RPAIN: variants seen among roughly 807,000 people sequenced by gnomAD.
RPAIN encodes RPA-interacting protein.
Under a neutral mutation model 30.5 loss-of-function variants are expected in RPAIN, and 29 were observed. That is an observed-to-expected ratio of 0.95 (90% CI 0.71 to 1.30). The LOEUF (loss-of-function observed/expected upper bound fraction) is 1.30. Ranked by LOEUF, RPAIN falls within the 50% of genes most tolerant of loss-of-function variation. The pLI is 0.00. For synonymous variants in RPAIN, 101 were observed against 93.5 expected (o/e 1.08, Z -0.46); for missense variants, 247 against 264.7 (o/e 0.93, Z 0.46).
intron 3 of RPAIN, chr17:5,425,148 TGACCCC>T: frequency 2.9e-6 from 1 of 343,518 alleles, no homozygotes; most frequent in African/African-American, 2.2e-5. Context: ...TGTAGTTTTT[TGACCCC>T]TTCCCTAATG....
intron 3 of RPAIN, among the ~76,000 whole-genome samples, chr17:5,423,532 TA>T (rs906841651): frequency 1.3e-5 from 2 of 151,736 alleles, no homozygotes; most frequent in Middle Eastern, 3.4e-3. Flanking sequence ...AAAAATAAAA[TA>T]AAAAAAAGTA....
At chr17:5,422,929 C>T in intron 3 of RPAIN, 100 bp downstream of exon 3, 1 of 921,420 alleles carries the variant, frequency 1.1e-6, no homozygotes, top group Non-Finnish European at 1.7e-6. Flanking sequence ...CTTTGTCTAC[C>T]TCCATCAGTC....
rs200459018 is a variant in RPAIN, at chr17:5,432,505, T to C, written c.631-37T>C. The stretch of plus-strand genomic sequence containing the variant: ...TATCAGATATCTTTCATGACTAGAA[T>C]ACAATTTAAGCTAATTATTTTCCTG... On this transcript the variant is annotated intron_variant, in intron 6 of 6. Transcript: ENST00000381209. 4 of 1,593,180 alleles carry C rather than the reference T, an allele frequency of 2.5e-6. No homozygotes were observed. In the East Asian group the frequency reaches 6.7e-5, roughly 27 times the overall value.
chr17:5,421,229 T>C, intron 1 of RPAIN, 67 bp from the exon 2 acceptor site: 1 of 1,474,014 alleles, frequency 6.8e-7, no homozygotes. Context: ...TCTCAACTAA[T>C]GTAAGAGTGT....
chr17:5,428,438 G>C, intron 6 of RPAIN: 11 of 1,443,026 alleles, frequency 7.6e-6, no homozygotes, highest in Non-Finnish European at 9.0e-6. Context: ...ATTGGTCTGG[G>C]AGTTAGGACG....
In RPAIN at chr17:5,426,255, A is replaced by G. The variant is rs77813450; in HGVS notation, c.445A>G (p.Ser149Gly). The change falls in exon 5 of 7, where the codon AGC (serine) becomes GGC (glycine). Residue 149 changes from serine (S) to glycine (G), a missense_variant. Transcript: ENST00000381209. ...TTCTAGGTACAACCTGAGAATCACA[A>G]GCGGTGTGGTGGTGTGTCAGTGTGG... is the stretch of plus-strand genomic sequence containing the variant. ...VCTKYNLRIT[S>G]GVVVCQCGLS... The G allele has an allele frequency of 3.1e-3, 4,964 of 1,614,110 alleles. 134 individuals are homozygous for G. In the African/African-American group the frequency reaches 0.057, roughly 18 times the overall value.
At chr17:5,427,909 TAA>T in intron 5 of RPAIN, 160 bp from the exon 6 acceptor site, 2 of 703,674 alleles carry the variant, frequency 2.8e-6, no homozygotes, top group Non-Finnish European at 5.0e-6. Context: ...GGAGATGGGT[TAA>T]GAGATCTTGG....
intron 1 of RPAIN, among the ~76,000 whole-genome samples, chr17:5,420,733 C>G (rs1300528145): frequency 6.6e-6 from 1 of 152,172 alleles, no homozygotes; most frequent in Non-Finnish European, 1.5e-5. Context: ...AGTAACCCGA[C>G]GCAAGAAAGA....
intron 6 of RPAIN, 100 bp from the exon 7 acceptor site, chr17:5,432,442 C>T (rs547309058): frequency 4.8e-5 from 54 of 1,115,584 alleles, no homozygotes; most frequent in Admixed American, 2.4e-4. Context: ...CTCAGGAGAC[C>T]TCATCTAATG....
chr17:5,430,121 TCG>T (rs1915764560), intron 6 of RPAIN: 2 of 152,052 alleles, frequency 1.3e-5, no homozygotes, highest in Non-Finnish European at 2.9e-5. Context: ...TGAGCTGAGA[TCG>T]TGCTGCTGGA....
At chr17:5,432,204 T>TA (rs1916039218) in intron 6 of RPAIN, 2 of 278,400 alleles carry the variant, frequency 7.2e-6, no homozygotes, top group South Asian at 1.2e-4. Flanking sequence ...TGCTGGGCTC[T>TA]AAAAGCTCCA....
intron 5 of RPAIN, 94 bp downstream of exon 5, chr17:5,426,393 A>AT: frequency 9.2e-7 from 1 of 1,088,864 alleles, no homozygotes. Context: ...CCCATTGTGC[A>AT]TATTTCTTCC....
intron 1 of RPAIN, 99 bp from the exon 2 acceptor site, chr17:5,421,197 C>A: frequency 8.2e-7 from 1 of 1,214,272 alleles, no homozygotes; most frequent in Non-Finnish European, 1.1e-6. Context: ...AATTTTGTGT[C>A]TATAAACTTT....
intron 2 of RPAIN, among the ~76,000 whole-genome samples, chr17:5,422,094 A>ATT (rs1914919289): frequency 6.6e-6 from 1 of 152,200 alleles, no homozygotes; most frequent in African/African-American, 2.4e-5. Flanking sequence ...ATCTCAGCCA[A>ATT]CGTTGGCAGC....
rs139561712 is a variant in RPAIN at position 5,420,209 on chromosome 17, A to C, written c.-2A>C. 3,869 of 1,613,540 alleles carry C rather than the reference A, an allele frequency of 2.4e-3. 11 individuals carry two copies. Among genetic ancestry groups the C allele is most frequent in the South Asian group, 4.3e-3 (391 of 91,016 alleles). ...TGTGGCTTTGTCTCCCGCGAAGAGG[A>C]GATGGCGGAGTCGTTGAGGTCTCCG... On this transcript the variant is annotated 5_prime_UTR_variant, in exon 1 of 7. Coordinates refer to ENST00000381209, the MANE Select transcript of RPAIN (RefSeq NM_001033002.4).
chr17:5,432,508 A>C (rs1291681363), intron 6 of RPAIN, 34 bp from the exon 7 acceptor site: 1 of 1,599,016 alleles, frequency 6.3e-7, no homozygotes, highest in African/African-American at 1.3e-5. Context: ...ACTAGAATAC[A>C]ATTTAAGCTA....
rs896327012 is a variant in RPAIN, at chr17:5,432,547, T to A, written c.636T>A (p.Cys212Ter). Residue 212 changes from cysteine to a stop codon, truncating the protein, a stop_gained, in exon 7 of 7, where the codon TGT (cysteine) becomes TGA (stop). Transcript: ENST00000381209. LOFTEE classifies it high-confidence loss of function. ...ATTTTCCTGTTTAAACCTAGGCCTG[T>A]GATACTTGGGCTGTGATCCTCTAGA... ...KSSLLMSCLA[C>*]DTWAVIL 1 of 1,613,848 alleles carries A rather than the reference T, an allele frequency of 6.2e-7. No individual in the cohort carries two copies. The highest frequency in any genetic ancestry group is 8.5e-7 in the Non-Finnish European group (1 of 1,179,688).
At chr17:5,428,804 A>G (rs1915649160) in intron 6 of RPAIN, 3 of 989,024 alleles carry the variant, frequency 3.0e-6, no homozygotes, top group Non-Finnish European at 3.6e-6. Context: ...ACAAACACAC[A>G]TAAAACCAAT....
chr17:5,432,703 A>AG lies in RPAIN; in HGVS notation c.*132_*133insG, dbSNP rs1377930250. On this transcript the variant is annotated 3_prime_UTR_variant, in exon 7 of 7. Coordinates refer to ENST00000381209, the MANE Select transcript of RPAIN (RefSeq NM_001033002.4). ...TTTTAAACAATACTGAAGAAAAAAA[A>AG]ACTTTTCCGACATCTGTTCTTGGTC... The AG allele has an allele frequency of 3.4e-5, 33 of 972,106 alleles. No homozygotes were observed. In the Admixed American group the frequency reaches 7.9e-4, roughly 23 times the overall value. The allele number at this position is 972,106 out of a possible 1,614,324, so 60.2% of individuals were successfully genotyped here. A position where few individuals can be genotyped will look rare whatever the true frequency, so the allele number is the denominator to read the frequency against.
Sources: gnomAD v4.1 joint callset for allele counts (sites outside exome capture counted in the v4.1 genomes callset) on GRCh38, gnomAD v4.1.1 for gene constraint, MANE v1.5 for transcripts, NCBI Gene and HGNC (gene_info 2026-07-23, HGNC 2026-07-21) for gene names.